Variants in CSMD1 observed in about 807,000 individuals in gnomAD.
The protein encoded by CSMD1 is CUB and sushi domain-containing protein 1.
A neutral mutation model predicts 417.5 loss-of-function variants in CSMD1; 213 were observed. The observed-to-expected ratio is 0.51, with a 90% CI of 0.46 to 0.57. CSMD1 has a LOEUF of 0.57. Among genes scored for constraint, CSMD1 ranks in the 20% least tolerant of loss-of-function variants. The pLI, the probability that CSMD1 is intolerant of heterozygous loss-of-function variation, is 0.00. For missense variants in CSMD1, 6,923 were observed against 4,529.7 expected (o/e 1.53, Z -15.17); for synonymous variants, 2,862 against 1,736.8 (o/e 1.65, Z -16.11).
At chr8:4,006,506 T>C (rs1420345577) in intron 4 of CSMD1, among the ~76,000 whole-genome samples, 2 of 152,132 alleles carry the variant, frequency 1.3e-5, no homozygotes, top group African/African-American at 4.8e-5. Context: ...ATCACCCCAC[T>C]GCACTTGGCC....
At chr8:4,455,332 G>A (rs148915075) in intron 2 of CSMD1, among the ~76,000 whole-genome samples, 6 of 152,282 alleles carry the variant, frequency 3.9e-5, no homozygotes, top group Admixed American at 6.5e-5. Context: ...ACAAATCCAT[G>A]TAACAAGCAA....
chr8:4,813,074 G>A (rs532596382), intron 1 of CSMD1, among the ~76,000 whole-genome samples: 3 of 152,182 alleles, frequency 2.0e-5, no homozygotes, highest in East Asian at 1.9e-4. Context: ...GGCAGAGGTA[G>A]ATATTTATGC....
At chr8:3,598,528 G>GA (rs1311230539) in intron 8 of CSMD1, among the ~76,000 whole-genome samples, 2 of 152,154 alleles carry the variant, frequency 1.3e-5, no homozygotes, top group Non-Finnish European at 2.9e-5. Context: ...CCCTGGCTGT[G>GA]ACGTCTCCCC....
chr8:4,830,343 T>A (rs1800078314), intron 1 of CSMD1, among the ~76,000 whole-genome samples: 1 of 152,240 alleles, frequency 6.6e-6, no homozygotes, highest in Non-Finnish European at 1.5e-5. Context: ...CTACCAAGAT[T>A]TGACACATTA....
chr8:4,508,089 C>CCAA (rs1802624345), intron 2 of CSMD1, among the ~76,000 whole-genome samples: 2 of 125,954 alleles, frequency 1.6e-5, no homozygotes, highest in East Asian at 2.3e-4. Context: ...AAAAAAATAC[C>CCAA]AAAAAAAAAA....
At chr8:3,154,409 T>C (rs568334374) in intron 39 of CSMD1, among the ~76,000 whole-genome samples, 1 of 152,358 alleles carries the variant, frequency 6.6e-6, no homozygotes, top group Non-Finnish European at 1.5e-5. Context: ...CCCTTTCTTA[T>C]AGGTAAATAG....
chr8:3,585,418 AT>A (rs1800558996), intron 9 of CSMD1, among the ~76,000 whole-genome samples: 1 of 152,154 alleles, frequency 6.6e-6, no homozygotes, highest in Non-Finnish European at 1.5e-5. Context: ...AAATCATTTT[AT>A]GGCCAAAATT....
chr8:4,070,912 T>C (rs1440709041), intron 3 of CSMD1, among the ~76,000 whole-genome samples: 1 of 152,338 alleles, frequency 6.6e-6, no homozygotes, highest in Non-Finnish European at 1.5e-5. Context: ...AGCACTTTAA[T>C]GATGTTGTTT....
intron 5 of CSMD1, among the ~76,000 whole-genome samples, chr8:3,952,131 G>C (rs377292044): frequency 6.6e-6 from 1 of 152,050 alleles, no homozygotes; most frequent in Non-Finnish European, 1.5e-5. Flanking sequence ...TTAAGTAGTG[G>C]TTCACAAAGT....
chr8:3,242,990 G>A (rs34930634), intron 26 of CSMD1, among the ~76,000 whole-genome samples: 32,844 of 152,014 alleles, frequency 0.22, 3,748 homozygotes, highest in South Asian at 0.29. Flanking sequence ...GCCTTCCGTA[G>A]TCCGTGACCA....
chr8:4,249,856 C>T (rs899371936), intron 3 of CSMD1, among the ~76,000 whole-genome samples: 18 of 152,054 alleles, frequency 1.2e-4, no homozygotes, highest in African/African-American at 3.4e-4. Context: ...CCCTGACCCC[C>T]GGAATTCTTG....
At position 4,024,154 on chromosome 8, in the gene CSMD1, A is replaced by G. The variant is rs76249443; in HGVS notation, c.610+7751T>C. Among the ~76,000 whole-genome samples the G allele has an allele frequency of 1.0e-2, 1,519 of 152,290 alleles. 24 individuals are homozygous for G. The highest frequency in any genetic ancestry group is 0.057 in the East Asian group (296 of 5,168). On this transcript the variant is annotated intron_variant, in intron 4 of 69. Coordinates refer to ENST00000635120, the MANE Select transcript of CSMD1 (RefSeq NM_033225.6). Reference sequence around the variant, plus strand: ...ACCAAAAATTAAAGAAATACAGCATAAAGAATCAGTTGTATTATTCCAGTT... The same window carrying G: ...ACCAAAAATTAAAGAAATACAGCATGAAGAATCAGTTGTATTATTCCAGTT...
chr8:4,333,605 G>A lies in CSMD1; in HGVS notation c.415+86348C>T, dbSNP rs140822252. On this transcript the variant is annotated intron_variant, in intron 3 of 69. Transcript: ENST00000635120. Reference sequence around the variant, plus strand: ...TATTATTACTCTTGCTGTTGTTACTGATGCAGATATATTTAAGGAGAGTGA... The same window carrying A: ...TATTATTACTCTTGCTGTTGTTACTAATGCAGATATATTTAAGGAGAGTGA... Among the ~76,000 whole-genome samples the A allele has an allele frequency of 3.8e-3, 582 of 152,242 alleles. 6 individuals are homozygous for A. The highest frequency in any genetic ancestry group is 3.3e-3 in the Non-Finnish European group (226 of 68,010).
intron 1 of CSMD1, among the ~76,000 whole-genome samples, chr8:4,732,951 G>A (rs1413191222): frequency 2.6e-5 from 4 of 152,020 alleles, no homozygotes; most frequent in Admixed American, 6.6e-5. Flanking sequence ...CGGAGAAGGA[G>A]GGAACAGGTG....
chr8:4,211,733 G>C (rs1023316375), intron 3 of CSMD1, among the ~76,000 whole-genome samples: 1 of 152,146 alleles, frequency 6.6e-6, no homozygotes, highest in African/African-American at 2.4e-5. Context: ...GTGGGGAGTT[G>C]ACAAAGAGCC....
At chr8:3,376,001 C>T (rs970771427) in intron 18 of CSMD1, among the ~76,000 whole-genome samples, 2 of 152,122 alleles carry the variant, frequency 1.3e-5, no homozygotes, top group Admixed American at 1.3e-4. Flanking sequence ...CTTTTTTTCT[C>T]CAACTTCTTT....
intron 3 of CSMD1, among the ~76,000 whole-genome samples, chr8:4,049,808 A>G (rs182507311): frequency 7.2e-5 from 11 of 151,948 alleles, no homozygotes; most frequent in Admixed American, 6.5e-4. Context: ...TTAGCTTTGT[A>G]TGGACATTTC....
At chr8:4,614,932 A>G (rs1161077086) in intron 2 of CSMD1, among the ~76,000 whole-genome samples, 1 of 152,174 alleles carries the variant, frequency 6.6e-6, no homozygotes, top group Non-Finnish European at 1.5e-5. Flanking sequence ...ATTTTCAAAT[A>G]TGTTATGAAT....
chr8:4,822,270 G>C (rs1159471625), intron 1 of CSMD1, among the ~76,000 whole-genome samples: 1 of 152,044 alleles, frequency 6.6e-6, no homozygotes, highest in Non-Finnish European at 1.5e-5. Context: ...TCCGATTATG[G>C]GTCTTGCTGT....
Sources: allele counts gnomAD v4.1 joint callset (sites outside exome capture counted in the v4.1 genomes callset), GRCh38; gene constraint gnomAD v4.1.1; transcripts MANE v1.5; gene names NCBI Gene and HGNC (gene_info 2026-07-23, HGNC 2026-07-21).